TTN: variants seen among roughly 807,000 people sequenced by gnomAD.
TTN encodes connectin.
In TTN, 1,525 loss-of-function variants were observed where a neutral mutation model predicts 3,223.0. The observed-to-expected ratio is 0.47, with a 90% CI of 0.45 to 0.49. The LOEUF (loss-of-function observed/expected upper bound fraction) is 0.49, where lower values mean the gene tolerates loss of function less well. Ranked by LOEUF, TTN falls within the 20% of genes least tolerant of loss-of-function variation. TTN has a pLI of 0.00. For missense variants in TTN, 40,786 were observed against 43,424.0 expected, an observed-to-expected ratio of 0.94 and a Z score of 5.40; for synonymous variants, 14,094 against 15,161.0, an observed-to-expected ratio of 0.93 and a Z score of 5.17.
At position 178,779,294 on chromosome 2, in the gene TTN, A is replaced by G. The variant is rs1574706508; in HGVS notation, c.3898T>C (p.Tyr1300His). The change falls in exon 23 of 363, where the codon TAT becomes CAT. Residue 1300 changes from tyrosine (Y) to histidine (H), a missense_variant. Physicochemically the swap from Tyr to His is moderately conservative, Grantham distance 83. Coordinates refer to ENST00000589042, the MANE Select transcript of TTN (RefSeq NM_001267550.2). Reference protein sequence around the residue: ...ESGFDSRIKNYRILEGMGVTF... With the variant: ...ESGFDSRIKNHRILEGMGVTF... Reference sequence around the variant, plus strand: ...ACACCCATCCCCTCAAGAATTCTATAATTCTTGATTCTTGAATCAAATCCT... The same window carrying G: ...ACACCCATCCCCTCAAGAATTCTATGATTCTTGATTCTTGAATCAAATCCT... 1.2e-6 allele frequency: 2 copies of G among 1,613,784 alleles called. No individual in the cohort carries two copies. The highest frequency in any genetic ancestry group is 1.7e-6 in the Non-Finnish European group (2 of 1,179,774).
In TTN at chr2:178,719,827, C is replaced by T. The variant is rs777855676; in HGVS notation, c.23665G>A (p.Ala7889Thr). ...GGTTCGGGCTTCTCTATGATTCTTG[C>T]TGGTTCTAAAAGAAGAAGTATTTTG... The part of the protein sequence containing the change: ...CSAVLTVLEP[A>T]RIIEKPEPMT... Residue 7889 changes from alanine (A) to threonine (T), a missense_variant, in exon 82 of 363, where the codon GCA (alanine) becomes ACA (threonine). Coordinates refer to ENST00000589042, the MANE Select transcript of TTN (RefSeq NM_001267550.2). 4.1e-5 allele frequency: 65 copies of T among 1,602,848 alleles called. 1 individual carries two copies. The South Asian group carries it at 7.1e-4, about 18-fold the overall frequency.
Position 178,590,370 on chromosome 2 carries a change from A to T in TTN, c.61355T>A (p.Ile20452Asn), listed in dbSNP as rs375946418. ...TTCTCTTGGCTCACCCTCTCCTACA[A>T]TATTAGCTGCCTTTATACGGAATCT... ...EYRFRIKAAN[I>N]VGEGEPRELA... The change falls in exon 304 of 363, where the codon ATT (isoleucine) becomes AAT (asparagine). Residue 20452 changes from isoleucine to asparagine, a missense_variant. Transcript: ENST00000589042. 1.0e-5 allele frequency: 16 copies of T among 1,584,382 alleles called. No individual in the cohort carries two copies. The highest frequency in any genetic ancestry group is 1.2e-5 in the South Asian group (1 of 84,556).
rs2075588711 is a variant in TTN at position 178,704,774 on chromosome 2, C to T, written c.29698G>A (p.Val9900Ile). The change falls in exon 105 of 363, where the codon GTC becomes ATC. Residue 9900 changes from valine to isoleucine, a missense_variant. Val to Ile is a conservative substitution (Grantham distance 29, BLOSUM62 3). Transcript: ENST00000589042. ...TTTTCAATGTCCTTGATCAGAGTGA[C>T]AGGCTAGGAGAATAAAGAATTAAAA... Reference protein sequence around the residue: ...IQQRLSQTEPVTLIKDIENQT... With the variant: ...IQQRLSQTEPITLIKDIENQT... 3.1e-6 allele frequency: 5 copies of T among 1,609,054 alleles called. No individual in the cohort carries two copies. The African/African-American group carries it at 5.4e-5, about 17-fold the overall frequency.
chr2:178,649,023 C>T (rs2062475075), intron 213 of TTN, among the ~76,000 whole-genome samples: 1 of 152,116 alleles, frequency 6.6e-6, no homozygotes, highest in South Asian at 2.1e-4. Flanking sequence ...AGAGAAGGTT[C>T]TTTTCTACTA....
chr2:178,718,977 G>A lies in TTN; in HGVS notation c.24227-4C>T, dbSNP rs1271673250. Reference sequence around the variant, plus strand: ...GTTTGTTCAAAAGATGGTGGTTCTAGATATTGCAAGGCGGAAGGGGAGATA... The same window carrying A: ...GTTTGTTCAAAAGATGGTGGTTCTAAATATTGCAAGGCGGAAGGGGAGATA... On this transcript the variant is annotated splice_region_variant and splice_polypyrimidine_tract_variant and intron_variant, in intron 83 of 362. Transcript: ENST00000589042. The A allele has an allele frequency of 1.9e-6, 3 of 1,591,064 alleles. No individual in the cohort carries two copies. Among genetic ancestry groups the A allele is most frequent in the Non-Finnish European group, 2.6e-6 (3 of 1,168,802 alleles).
In TTN at chr2:178,602,008, T is replaced by G. The variant is rs1443788171; in HGVS notation, c.55263A>C (p.Ala18421=). Residue 18421 remains alanine (A), a synonymous_variant, in exon 284 of 363, where the codon GCA becomes GCC. Transcript: ENST00000589042. Reference sequence around the variant, plus strand: ...AGAATGGTTATTTTCCTACCTTCATTGCTTTCTTTGCCTTTCCATCAAATT... The same window carrying G: ...AGAATGGTTATTTTCCTACCTTCATGGCTTTCTTTGCCTTTCCATCAAATT... ...SWEFDGKAKK[A]MKDGVHDIPE... 1 of 1,612,784 alleles carries G rather than the reference T, an allele frequency of 6.2e-7. No individual in the cohort carries two copies. The highest frequency in any genetic ancestry group is 2.2e-5 in the East Asian group (1 of 44,730).
At chr2:178,746,397 C>G in intron 47 of TTN, 1 of 1,609,202 alleles carries the variant, frequency 6.2e-7, no homozygotes. Context: ...GGAGTAAATT[C>G]GGGAACTGTC....
In TTN at chr2:178,550,976, C is replaced by A; in HGVS notation, c.91555G>T (p.Asp30519Tyr). ...AGTTGTAAATGCTTACCATTTTCAT[C>A]TCTTGTCATAATAATGCCAGAAGAC... Reference protein sequence around the residue: ...SQSSGIIMTRDENVPPIVEFG... With the variant: ...SQSSGIIMTRYENVPPIVEFG... The change falls in exon 336 of 363, where the codon GAT becomes TAT. Residue 30519 changes from aspartate (D) to tyrosine (Y), a missense_variant. Physicochemically the swap from Asp to Tyr is radical, Grantham distance 160. Transcript: ENST00000589042. The A allele has an allele frequency of 6.2e-7, 1 of 1,612,620 alleles. No individual in the cohort carries two copies.
intron 238 of TTN, 96 bp from the exon 239 acceptor site, chr2:178,630,463 TAAATG>T: frequency 7.2e-7 from 1 of 1,398,504 alleles, no homozygotes; most frequent in African/African-American, 1.5e-5. Context: ...ATGCAACAAA[TAAATG>T]GTGATGAAAC....
chr2:178,793,081 ATTTCTT>A (rs1282843743), intron 9 of TTN, among the ~76,000 whole-genome samples: 1 of 151,992 alleles, frequency 6.6e-6, no homozygotes, highest in East Asian at 1.9e-4. Context: ...CTCAGCATCT[ATTTCTT>A]CCTCCTGGTT....
chr2:178,715,618 G>T lies in TTN; in HGVS notation c.25796C>A (p.Ser8599Ter), dbSNP rs762628570. 1 of 1,613,568 alleles carries T rather than the reference G, an allele frequency of 6.2e-7. No individual in the cohort carries two copies. Among genetic ancestry groups the T allele is most frequent in the Admixed American group, 1.7e-5 (1 of 59,980 alleles). Reference sequence around the variant, plus strand: ...CAGCACAGCCACCGAGTCAACGAATGACATTCTGAATTTACTGCTCTCTTG... The same window carrying T: ...CAGCACAGCCACCGAGTCAACGAATTACATTCTGAATTTACTGCTCTCTTG... Reference protein sequence around the residue: ...EIQESSKFRMSFVDSVAVLEM... With the variant: ...EIQESSKFRM Residue 8599 changes from serine to a stop codon, truncating the protein, a stop_gained, in exon 89 of 363, where the codon TCA becomes TAA. Transcript: ENST00000589042. LOFTEE classifies it high-confidence loss of function.
Position 178,779,137 on chromosome 2 carries a change from A to C in TTN, c.3964-19T>G. ...AAGCAATCTGCAAAGAATACCATGCATGTATGAATAAAATTTACATCAAAT... is the reference window on the plus strand; with the variant it reads ...AAGCAATCTGCAAAGAATACCATGCCTGTATGAATAAAATTTACATCAAAT... On this transcript the variant is annotated intron_variant, in intron 23 of 362. Coordinates refer to ENST00000589042, the MANE Select transcript of TTN (RefSeq NM_001267550.2). 1.2e-6 allele frequency: 2 copies of C among 1,613,496 alleles called. No homozygotes were observed. The highest frequency in any genetic ancestry group is 1.7e-6 in the Non-Finnish European group (2 of 1,179,854).
At chr2:178,799,047 T>G in intron 6 of TTN, 1 of 183,418 alleles carries the variant, frequency 5.5e-6, no homozygotes, top group East Asian at 1.3e-4. Context: ...AACTTCTTGG[T>G]TTACCTCCTT....
chr2:178,647,719 A>C (rs901537110), intron 213 of TTN, among the ~76,000 whole-genome samples: 1 of 151,924 alleles, frequency 6.6e-6, no homozygotes, highest in African/African-American at 2.4e-5. Flanking sequence ...TTTGCTCTAC[A>C]TTTTCTGAGT....
rs549301447 is a variant in TTN, at chr2:178,601,045, G to C, written c.55859C>G (p.Ala18620Gly). ...PVTHYIVECL[A>G]WDPTGTKKEA... Reference sequence around the variant, plus strand: ...TTTCTTTGTCCCAGTAGGGTCCCATGCAAGGCACTCAACAATATAGTGGGT... The same window carrying C: ...TTTCTTTGTCCCAGTAGGGTCCCATCCAAGGCACTCAACAATATAGTGGGT... The change falls in exon 288 of 363, where the codon GCA (alanine) becomes GGA (glycine). Residue 18620 changes from alanine to glycine, a missense_variant. Coordinates refer to ENST00000589042, the MANE Select transcript of TTN (RefSeq NM_001267550.2). The C allele has an allele frequency of 3.1e-6, 5 of 1,612,916 alleles. No individual in the cohort carries two copies. The highest frequency in any genetic ancestry group is 2.5e-6 in the Non-Finnish European group (3 of 1,179,338).
In TTN at chr2:178,784,323, G is replaced by T. The variant is rs750195208; in HGVS notation, c.2522C>A (p.Thr841Lys). The change falls in exon 16 of 363, where the codon ACA (threonine) becomes AAA (lysine). Residue 841 changes from threonine (T) to lysine (K), a missense_variant. Transcript: ENST00000589042. ...EASIAGSAIA[T>K]LQKELSATSS... ...TGTGGCTGACAACTCTTTTTGTAAT[G>T]TGGCAATAGCACTACCGGCTATTGA... 1.9e-6 allele frequency: 3 copies of T among 1,614,096 alleles called. No homozygotes were observed. The highest frequency in any genetic ancestry group is 2.5e-6 in the Non-Finnish European group (3 of 1,180,002).
At position 178,740,323 on chromosome 2, in the gene TTN, A is replaced by C; in HGVS notation, c.12910T>G (p.Leu4304Val). The C allele has an allele frequency of 6.2e-7, 1 of 1,613,692 alleles. No homozygotes were observed. Among genetic ancestry groups the C allele is most frequent in the Non-Finnish European group, 8.5e-7 (1 of 1,179,792 alleles). ...EHSCTEGGKI[L>V]IESANPLENA... ...TCCAGTGGATTTGCACTTTCTATCA[A>C]AATTTTACCTCCTTCTGTGCATGAG... The change falls in exon 48 of 363, where the codon TTG becomes GTG. Residue 4304 changes from leucine to valine, a missense_variant. Leu to Val is a conservative substitution (Grantham distance 32, BLOSUM62 1). Transcript: ENST00000589042.
intron 150 of TTN, 87 bp from the exon 151 acceptor site, chr2:178,674,496 C>T: frequency 1.3e-6 from 1 of 760,682 alleles, no homozygotes; most frequent in Non-Finnish European, 2.0e-6. Context: ...ACTGCTCAGC[C>T]TTCGAAACGC....
Position 178,709,707 on chromosome 2 carries a change from A to G in TTN, c.28612T>C (p.Ser9538Pro). The G allele has an allele frequency of 6.2e-7, 1 of 1,613,888 alleles. No homozygotes were observed. Among genetic ancestry groups the G allele is most frequent in the Non-Finnish European group, 8.5e-7 (1 of 1,179,820 alleles). ...YKNNIEIQPT[S>P]NCEITFKNNT... ...TTCTTGAATGTTATTTCACAGTTAG[A>G]AGTTGGTTGTATCTCTATATTATTT... Residue 9538 changes from serine (S) to proline (P), a missense_variant, in exon 99 of 363, where the codon TCT (serine) becomes CCT (proline). Transcript: ENST00000589042.
Sources: gnomAD v4.1 joint callset for allele counts (sites outside exome capture counted in the v4.1 genomes callset) on GRCh38, gnomAD v4.1.1 for gene constraint, MANE v1.5 for transcripts, NCBI Gene and HGNC (gene_info 2026-07-23, HGNC 2026-07-21) for gene names.